FSHR: variants seen among roughly 807,000 people sequenced by gnomAD.
FSHR encodes the protein follicle-stimulating hormone receptor.
FSHR carries 46 observed loss-of-function variants against 52.1 expected under a neutral mutation model. The observed-to-expected ratio is 0.88, with a 90% CI of 0.70 to 1.13. FSHR has a LOEUF of 1.13. FSHR is among the 50% of genes most tolerant of loss of function. The probability of loss-of-function intolerance (pLI) is 0.00; values close to 1 mark genes in which losing one functional copy is unlikely to be tolerated. For synonymous variants in FSHR, 399 were observed against 309.6 expected (o/e 1.29, Z -3.03); for missense variants, 964 against 834.6 (o/e 1.16, Z -1.91).
intron 1 of FSHR, among the ~76,000 whole-genome samples, chr2:49,074,664 C>T (rs1669880225): frequency 6.6e-6 from 1 of 152,070 alleles, no homozygotes; most frequent in Admixed American, 6.5e-5. Context: ...AGCAATCCTA[C>T]TACTTAGAAT....
intron 1 of FSHR, among the ~76,000 whole-genome samples, chr2:49,071,712 G>GGCATCA (rs1286173582): frequency 1.3e-5 from 2 of 152,126 alleles, no homozygotes; most frequent in Admixed American, 1.3e-4. Context: ...CAAGAAACAC[G>GGCATCA]GCATCAGCAT....
intron 2 of FSHR, among the ~76,000 whole-genome samples, chr2:49,041,585 A>G (rs1451372008): frequency 1.3e-5 from 2 of 152,010 alleles, no homozygotes; most frequent in East Asian, 1.9e-4. Flanking sequence ...AGAGGATTTT[A>G]TTTTACTATT....
intron 1 of FSHR, among the ~76,000 whole-genome samples, chr2:49,109,061 G>C (rs192924086): frequency 6.6e-6 from 1 of 152,018 alleles, no homozygotes; most frequent in Non-Finnish European, 1.5e-5. Flanking sequence ...AATCTGCCTG[G>C]GATTCTGGGA....
At chr2:48,994,093 G>A (rs979608254) in intron 4 of FSHR, among the ~76,000 whole-genome samples, 3 of 152,090 alleles carry the variant, frequency 2.0e-5, no homozygotes, top group South Asian at 2.1e-4. Context: ...AGTAGTTGAC[G>A]CATAAAATGT....
At chr2:49,081,410 T>C (rs866099961) in intron 1 of FSHR, among the ~76,000 whole-genome samples, 4 of 152,258 alleles carry the variant, frequency 2.6e-5, no homozygotes, top group African/African-American at 9.6e-5. Context: ...CTAAGTGGTG[T>C]CTTATGGGCA....
chr2:48,968,526 T>C (rs1674582223), intron 9 of FSHR, among the ~76,000 whole-genome samples, 172 bp downstream of exon 9: 1 of 152,230 alleles, frequency 6.6e-6, no homozygotes, highest in South Asian at 2.1e-4. Context: ...ATGAAAGAGT[T>C]CAACTATTCC....
chr2:49,133,996 C>T (rs1346221995), intron 1 of FSHR, among the ~76,000 whole-genome samples: 2 of 152,040 alleles, frequency 1.3e-5, no homozygotes, highest in African/African-American at 4.8e-5. Flanking sequence ...ACCATTAAGA[C>T]CACAGGCATG....
intron 4 of FSHR, among the ~76,000 whole-genome samples, chr2:49,009,856 G>C (rs1399954204): frequency 2.4e-5 from 2 of 81,784 alleles, no homozygotes; most frequent in African/African-American, 5.8e-5. Context: ...AAGAATGCTT[G>C]TGATTTTTGT....
chr2:49,076,281 G>T (rs1669947279), intron 1 of FSHR, among the ~76,000 whole-genome samples: 1 of 152,192 alleles, frequency 6.6e-6, no homozygotes, highest in South Asian at 2.1e-4. Flanking sequence ...CGTGGCTGGG[G>T]AGGCCTCACA....
chr2:49,100,784 G>C (rs376527663), intron 1 of FSHR, among the ~76,000 whole-genome samples: 8 of 152,160 alleles, frequency 5.3e-5, no homozygotes, highest in Admixed American at 4.6e-4. Flanking sequence ...TCTATCACTT[G>C]TACCTGAAGG....
chr2:48,965,064 A>G (rs1674412993), intron 9 of FSHR, among the ~76,000 whole-genome samples: 1 of 152,074 alleles, frequency 6.6e-6, no homozygotes, highest in African/African-American at 2.4e-5. Flanking sequence ...AGTTCACAGC[A>G]ATATTAAGTT....
At chr2:49,125,396 C>A (rs1271712940) in intron 1 of FSHR, among the ~76,000 whole-genome samples, 1 of 152,166 alleles carries the variant, frequency 6.6e-6, no homozygotes, top group African/African-American at 2.4e-5. Context: ...TCAAAGCCAT[C>A]CTGGGCCTCA....
intron 6 of FSHR, among the ~76,000 whole-genome samples, chr2:48,987,358 C>T (rs1391013574): frequency 1.3e-5 from 2 of 151,866 alleles, no homozygotes; most frequent in African/African-American, 4.8e-5. Flanking sequence ...TGCCTGCCAC[C>T]ATGCCCAGCT....
intron 2 of FSHR, among the ~76,000 whole-genome samples, chr2:49,061,478 G>C (rs1259037556): frequency 6.7e-6 from 1 of 148,952 alleles, no homozygotes; most frequent in East Asian, 2.0e-4. Context: ...ATTATATAAT[G>C]ATAAAGGGAT....
chr2:49,026,633 G>A (rs997581669), intron 2 of FSHR, among the ~76,000 whole-genome samples: 11 of 152,130 alleles, frequency 7.2e-5, no homozygotes, highest in Admixed American at 2.6e-4. Context: ...TGCAAACATC[G>A]GCAGGTTAGG....
chr2:48,971,971 A>C (rs1488538332), intron 8 of FSHR, among the ~76,000 whole-genome samples: 2 of 152,198 alleles, frequency 1.3e-5, no homozygotes, highest in African/African-American at 4.8e-5. Flanking sequence ...AAGCTTATCC[A>C]GTCTTATGAC....
intron 1 of FSHR, among the ~76,000 whole-genome samples, chr2:49,116,781 A>G (rs1376070169): frequency 6.6e-6 from 1 of 152,182 alleles, no homozygotes; most frequent in Non-Finnish European, 1.5e-5. Context: ...TGTACATTGT[A>G]GAATGGTCAA....
At chr2:48,999,813 C>T (rs1043754118) in intron 4 of FSHR, among the ~76,000 whole-genome samples, 2 of 152,052 alleles carry the variant, frequency 1.3e-5, no homozygotes, top group East Asian at 3.9e-4. Context: ...AGGAAATAGT[C>T]GGCTGGCTTT....
chr2:48,965,081 A>T (rs1359817524), intron 9 of FSHR, among the ~76,000 whole-genome samples: 1 of 151,826 alleles, frequency 6.6e-6, no homozygotes, highest in Non-Finnish European at 1.5e-5. Context: ...AGTTGACTGT[A>T]TTTTTTTTAA....
Sources: allele counts gnomAD v4.1 joint callset (sites outside exome capture counted in the v4.1 genomes callset), GRCh38; gene constraint gnomAD v4.1.1; transcripts MANE v1.5; gene names NCBI Gene and HGNC (gene_info 2026-07-23, HGNC 2026-07-21).